The following ZMYND8 variants were observed in gnomAD, a reference collection of about 807,000 sequenced individuals.
The protein encoded by ZMYND8 is MYND-type zinc finger-containing chromatin reader ZMYND8.
Under a neutral mutation model 140.8 loss-of-function variants are expected in ZMYND8, and 37 were observed. The observed-to-expected ratio is 0.26, with a 90% confidence interval of 0.20 to 0.35. The LOEUF (loss-of-function observed/expected upper bound fraction) is 0.35, where lower values mean the gene tolerates loss of function less well. Among genes scored for constraint, ZMYND8 ranks in the 10% least tolerant of loss-of-function variants. ZMYND8 has a pLI of 1.00. For synonymous variants in ZMYND8, 592 were observed against 597.1 expected (o/e 0.99, Z 0.12); for missense variants, 1,068 against 1,570.0 (o/e 0.68, Z 5.40).
rs749577904 is a variant in ZMYND8 at position 47,212,655 on chromosome 20, G to A, written c.3555C>T (p.Tyr1185=). 1.2e-6 allele frequency: 2 copies of A among 1,613,966 alleles called. No individual in the cohort carries two copies. Among genetic ancestry groups the A allele is most frequent in the Non-Finnish European group, 1.7e-6 (2 of 1,179,892 alleles). The change falls in exon 22 of 23, where the codon TAC becomes TAT. Residue 1185 remains tyrosine (Y), a synonymous_variant. Coordinates refer to ENST00000471951, the MANE Select transcript of ZMYND8 (RefSeq NM_001281775.3). ...GTTCATACTTACACTTCTGGGCGGG[G>A]TAGTTGGGGTGCGGCTGGTGGTCTG... ...TTTDHQPHPN[Y]PAQKYHSRSN... is the part of the protein sequence containing the mutation.
At chr20:47,356,482 A>C (rs2083250262) in intron 1 of ZMYND8, 175 bp downstream of exon 1, 1 of 1,585,466 alleles carries the variant, frequency 6.3e-7, no homozygotes, top group African/African-American at 1.3e-5. Context: ...GCTAATGGCT[A>C]CTGAGCCATG....
chr20:47,268,942 TGTAATCCCA>T (rs1387306393), intron 11 of ZMYND8, among the ~76,000 whole-genome samples: 1 of 152,100 alleles, frequency 6.6e-6, no homozygotes, highest in Non-Finnish European at 1.5e-5. Flanking sequence ...GGCTCACACC[TGTAATCCCA>T]GCACTTCGGG....
At chr20:47,304,302 C>T (rs1428515877) in intron 3 of ZMYND8, among the ~76,000 whole-genome samples, 3 of 152,204 alleles carry the variant, frequency 2.0e-5, no homozygotes, top group African/African-American at 4.8e-5. Context: ...TACCAGGAAC[C>T]GGCAAACTTT....
At chr20:47,255,410 T>TA (rs902051871) in intron 12 of ZMYND8, among the ~76,000 whole-genome samples, 1 of 150,956 alleles carries the variant, frequency 6.6e-6, no homozygotes, top group African/African-American at 2.4e-5. Context: ...TTTTTCCATT[T>TA]AAAAAAAGAG....
intron 15 of ZMYND8, chr20:47,237,958 G>A (rs1568950483): frequency 2.0e-5 from 3 of 152,322 alleles, no homozygotes; most frequent in Admixed American, 2.0e-4. Flanking sequence ...AGTGGTTCTT[G>A]AGGCTGGCTC....
rs550361182 is a variant in ZMYND8 at position 47,356,322 on chromosome 20, G to A, written c.14+335C>T. ...AGAGAGAGAGAGGGGAAGAGAGAGG[G>A]AAGAGGGAAAGAAAAAAAAAAAAAG... On this transcript the variant is annotated intron_variant, in intron 1 of 22. Coordinates refer to ENST00000471951, the MANE Select transcript of ZMYND8 (RefSeq NM_001281775.3). The A allele has an allele frequency of 2.5e-5, 34 of 1,374,614 alleles. No homozygotes were observed. In the African/African-American group the frequency reaches 3.3e-4, roughly 13 times the overall value. 85.2% of individuals were successfully genotyped at this position (1,374,614 alleles called of 1,614,324 possible). A position where few individuals can be genotyped will look rare whatever the true frequency, so the allele number is the denominator to read the frequency against.
Position 47,291,795 on chromosome 20 carries a change from C to A in ZMYND8, c.660+1G>T. 6.2e-7 allele frequency: 1 copy of A among 1,608,756 alleles called. No homozygotes were observed. Among genetic ancestry groups the A allele is most frequent in the Non-Finnish European group, 8.5e-7 (1 of 1,177,370 alleles). On this transcript the variant is annotated splice_donor_variant, in intron 6 of 22. Transcript: ENST00000471951. LOFTEE classifies it high-confidence loss of function. ...GGTGAGGTTCTTTGACGGAGGCCAA[C>A]CTTTTCCAATGTACAAAGGTCCATT...
intron 2 of ZMYND8, among the ~76,000 whole-genome samples, chr20:47,343,692 T>C (rs2082102214): frequency 6.6e-6 from 1 of 152,214 alleles, no homozygotes; most frequent in Non-Finnish European, 1.5e-5. Context: ...AGATGGGATT[T>C]TGCCACGTTG....
Position 47,212,653 on chromosome 20 carries a change from G to T in ZMYND8, c.3557C>A (p.Pro1186His). 6.2e-7 allele frequency: 1 copy of T among 1,613,922 alleles called. No individual in the cohort carries two copies. The highest frequency in any genetic ancestry group is 8.5e-7 in the Non-Finnish European group (1 of 1,179,876). The stretch of plus-strand genomic sequence containing the variant: ...AGGTTCATACTTACACTTCTGGGCG[G>T]GGTAGTTGGGGTGCGGCTGGTGGTC... ...TTDHQPHPNY[P>H]AQKYHSRSNK... Residue 1186 changes from proline to histidine, a missense_variant, in exon 22 of 23, where the codon CCC becomes CAC. Around this residue, in one of 10 missense-constraint regions of ZMYND8, gnomAD observed 180 missense variants for 187.8 expected, o/e 0.96. Coordinates refer to ENST00000471951, the MANE Select transcript of ZMYND8 (RefSeq NM_001281775.3).
At chr20:47,325,054 G>A (rs1403769553) in intron 2 of ZMYND8, among the ~76,000 whole-genome samples, 13 of 152,012 alleles carry the variant, frequency 8.6e-5, no homozygotes, top group African/African-American at 2.7e-4. Flanking sequence ...ACAGGCGTGC[G>A]CCACCACGCC....
intron 12 of ZMYND8, among the ~76,000 whole-genome samples, chr20:47,254,910 C>A (rs369073157): frequency 6.6e-6 from 1 of 152,002 alleles, no homozygotes; most frequent in East Asian, 1.9e-4. Flanking sequence ...GCAGATCACT[C>A]GAGGTCAGGA....
At chr20:47,225,157 T>C (rs1049626095) in intron 18 of ZMYND8, among the ~76,000 whole-genome samples, 2 of 152,188 alleles carry the variant, frequency 1.3e-5, no homozygotes, top group Admixed American at 6.5e-5. Flanking sequence ...TTGATGATTA[T>C]ACTAACAGGA....
chr20:47,289,596 G>A (rs373225982), intron 7 of ZMYND8, among the ~76,000 whole-genome samples: 2 of 145,270 alleles, frequency 1.4e-5, no homozygotes, highest in East Asian at 4.0e-4. Flanking sequence ...GATGAATGGC[G>A]GCATATTGAT....
At position 47,238,705 on chromosome 20, in the gene ZMYND8, A is replaced by G. The variant is rs558346250; in HGVS notation, c.2665+53T>C. The G allele has an allele frequency of 3.8e-6, 6 of 1,565,936 alleles. No homozygotes were observed. The African/African-American group carries it at 8.2e-5, about 21-fold the overall frequency. Reference sequence around the variant, plus strand: ...AAAGAGCAATGACTTTCTCCTGTCGATGTGGCAAAATGGGAGCGGGCGCCA... The same window carrying G: ...AAAGAGCAATGACTTTCTCCTGTCGGTGTGGCAAAATGGGAGCGGGCGCCA... On this transcript the variant is annotated intron_variant, in intron 15 of 22. Transcript: ENST00000471951.
intron 2 of ZMYND8, among the ~76,000 whole-genome samples, chr20:47,313,439 G>A (rs975975750): frequency 2.2e-4 from 34 of 151,428 alleles, no homozygotes; most frequent in African/African-American, 6.3e-4. Context: ...TGGCTAACAT[G>A]GTGAAACCCC....
At chr20:47,240,087 A>G (rs1407073271) in intron 14 of ZMYND8, among the ~76,000 whole-genome samples, 1 of 151,764 alleles carries the variant, frequency 6.6e-6, no homozygotes, top group Non-Finnish European at 1.5e-5. Flanking sequence ...AAATACAAAA[A>G]AATTAGCCAG....
chr20:47,230,574 C>T (rs2038337359), intron 16 of ZMYND8, among the ~76,000 whole-genome samples: 1 of 152,022 alleles, frequency 6.6e-6, no homozygotes, highest in Admixed American at 6.6e-5. Flanking sequence ...AGCCACTGTG[C>T]CTGACCCCCA....
intron 11 of ZMYND8, among the ~76,000 whole-genome samples, chr20:47,273,938 T>C (rs985002096): frequency 6.6e-6 from 1 of 152,214 alleles, no homozygotes; most frequent in African/African-American, 2.4e-5. Context: ...ACACTACACA[T>C]TGGCTAATTC....
At chr20:47,271,220 G>A (rs2075923849) in intron 11 of ZMYND8, among the ~76,000 whole-genome samples, 1 of 152,200 alleles carries the variant, frequency 6.6e-6, no homozygotes, top group Non-Finnish European at 1.5e-5. Context: ...GGGAGCTCAT[G>A]ACCTATTAGC....
Sources: gnomAD v4.1 joint callset for allele counts (sites outside exome capture counted in the v4.1 genomes callset) on GRCh38, gnomAD v4.1.1 for gene constraint, gnomAD v4.1.1 regional missense constraint, MANE v1.5 for transcripts, NCBI Gene and HGNC (gene_info 2026-07-23, HGNC 2026-07-21) for gene names.